The following OSBP2 variants were observed in gnomAD, a reference collection of about 807,000 sequenced individuals.
OSBP2 encodes the protein oxysterol binding protein 2.
OSBP2 carries 66 observed loss-of-function variants against 96.0 expected under a neutral mutation model. That is an observed-to-expected ratio of 0.69 (90% confidence interval 0.56 to 0.84). The LOEUF is 0.84. OSBP2 is among the 40% of genes least tolerant of loss of function. The pLI is 0.00. For missense variants in OSBP2, 1,038 were observed against 1,222.7 expected (o/e 0.85, Z 2.25); for synonymous variants, 525 against 520.9 (o/e 1.01, Z -0.11).
chr22:30,754,377 T>A (rs2090115663), intron 2 of OSBP2, among the ~76,000 whole-genome samples: 1 of 152,218 alleles, frequency 6.6e-6, no homozygotes, highest in Admixed American at 6.5e-5. Context: ...CAGGCTTTGA[T>A]TGGTGTCCTT....
intron 1 of OSBP2, among the ~76,000 whole-genome samples, chr22:30,738,733 G>T (rs538593638): frequency 6.6e-6 from 1 of 152,074 alleles, no homozygotes; most frequent in East Asian, 1.9e-4. Context: ...GCTAATTTTT[G>T]TATTTTTCAG....
At chr22:30,727,432 G>A (rs1166591607) in intron 1 of OSBP2, among the ~76,000 whole-genome samples, 1 of 152,142 alleles carries the variant, frequency 6.6e-6, no homozygotes, top group Non-Finnish European at 1.5e-5. Flanking sequence ...TCATATATAT[G>A]CAGAAGGGAT....
At chr22:30,818,767 C>CT (rs1370958575) in intron 2 of OSBP2, among the ~76,000 whole-genome samples, 1 of 152,140 alleles carries the variant, frequency 6.6e-6, no homozygotes, top group Non-Finnish European at 1.5e-5. Context: ...AGCCCAGCTT[C>CT]TAGGGAGGCT....
At chr22:30,794,617 A>G (rs2090729756) in intron 2 of OSBP2, among the ~76,000 whole-genome samples, 3 of 151,974 alleles carry the variant, frequency 2.0e-5, no homozygotes, top group Non-Finnish European at 4.4e-5. Flanking sequence ...TTGATATATT[A>G]TAATCTACTT....
At chr22:30,841,593 T>C (rs1393746085) in intron 2 of OSBP2, among the ~76,000 whole-genome samples, 3 of 152,218 alleles carry the variant, frequency 2.0e-5, no homozygotes, top group African/African-American at 7.2e-5. Flanking sequence ...AATAAGTGCG[T>C]CACATGAATT....
chr22:30,785,007 C>CA (rs1467653239), intron 2 of OSBP2, among the ~76,000 whole-genome samples: 1 of 152,146 alleles, frequency 6.6e-6, no homozygotes, highest in Admixed American at 6.5e-5. Context: ...CTCCTGACCT[C>CA]AGGTTATCTG....
intron 2 of OSBP2, among the ~76,000 whole-genome samples, chr22:30,823,173 T>G (rs1361743239): frequency 2.0e-5 from 3 of 152,070 alleles, no homozygotes; most frequent in Admixed American, 2.0e-4. Context: ...ATTCTCCGAG[T>G]GGCCGCCTGG....
intron 5 of OSBP2, 84 bp from the exon 6 acceptor site, chr22:30,889,093 G>A (rs2147153813): frequency 8.4e-7 from 1 of 1,189,246 alleles, no homozygotes; most frequent in Admixed American, 2.2e-5. Context: ...CAATGAAAAT[G>A]ATGTTGTCTG....
intron 2 of OSBP2, among the ~76,000 whole-genome samples, chr22:30,853,350 A>G (rs2039012397): frequency 6.6e-6 from 1 of 152,232 alleles, no homozygotes; most frequent in African/African-American, 2.4e-5. Flanking sequence ...CTCTTTCATC[A>G]TAATGAAATT....
intron 2 of OSBP2, among the ~76,000 whole-genome samples, chr22:30,810,031 CAAGAGACAGTGG>C (rs1474267132): frequency 1.3e-5 from 2 of 151,950 alleles, no homozygotes; most frequent in Admixed American, 6.6e-5. Flanking sequence ...GGGAGACATC[CAAGAGACAGTGG>C]AGTTCTATAG....
chr22:30,895,543 T>TAGAAA (rs780050404), intron 12 of OSBP2, among the ~76,000 whole-genome samples: 83,583 of 152,116 alleles, frequency 0.55, 23,364 homozygotes, highest in East Asian at 0.75. Context: ...GTTAGAAAAT[T>TAGAAA]CTACTTTCTA....
At chr22:30,722,668 T>C (rs573939481) in intron 1 of OSBP2, among the ~76,000 whole-genome samples, 1 of 151,896 alleles carries the variant, frequency 6.6e-6, no homozygotes, top group Admixed American at 6.6e-5. Context: ...TCCCTCTCTT[T>C]TTCTCTTTCT....
intron 2 of OSBP2, among the ~76,000 whole-genome samples, chr22:30,848,388 C>T (rs1003446589): frequency 6.6e-6 from 1 of 152,130 alleles, no homozygotes; most frequent in African/African-American, 2.4e-5. Context: ...GGATAAATGA[C>T]TAGAACTGGA....
intron 12 of OSBP2, 145 bp downstream of exon 12, chr22:30,894,146 T>C (rs1217888573): frequency 3.1e-6 from 2 of 648,562 alleles, no homozygotes; most frequent in Non-Finnish European, 5.3e-6. Flanking sequence ...GACATCCCAG[T>C]GTGAAGGCAG....
intron 2 of OSBP2, among the ~76,000 whole-genome samples, chr22:30,850,681 T>C (rs2038962906): frequency 6.6e-6 from 1 of 152,188 alleles, no homozygotes; most frequent in Non-Finnish European, 1.5e-5. Flanking sequence ...GTATTTTTAA[T>C]AGAGGCAGGG....
intron 1 of OSBP2, among the ~76,000 whole-genome samples, chr22:30,710,891 G>A (rs541184547): frequency 3.3e-5 from 5 of 151,830 alleles, no homozygotes; most frequent in Non-Finnish European, 7.4e-5. Context: ...GATTACAGGC[G>A]CCTGCCACCA....
chr22:30,700,627 T>C (rs1307472400), intron 1 of OSBP2, among the ~76,000 whole-genome samples: 1 of 152,140 alleles, frequency 6.6e-6, no homozygotes, highest in Non-Finnish European at 1.5e-5. Flanking sequence ...ATAAATGACA[T>C]TTATTTCTCA....
rs1184509138 is a variant in OSBP2, at chr22:30,890,015, G to A, written c.1623+379G>A. 6.6e-6 allele frequency among the ~76,000 whole-genome samples: 1 copy of A among 152,134 alleles called. No individual in the cohort carries two copies. The highest frequency in any genetic ancestry group is 2.4e-5 in the African/African-American group (1 of 41,424). The stretch of plus-strand genomic sequence containing the variant: ...CTCCTTCAGCTGGCAGCCATCCCTG[G>A]TGCCATCCCCAGGAAATGCAGGCTC... On this transcript the variant is annotated intron_variant, in intron 7 of 13. Coordinates refer to ENST00000332585, the MANE Select transcript of OSBP2 (RefSeq NM_030758.4). This position sits in a 1 kb window ranked among gnomAD's most constrained non-coding sequence, Gnocchi z 4.4.
Position 30,741,226 on chromosome 22 carries a change from C to T in OSBP2, c.710C>T (p.Thr237Met), listed in dbSNP as rs921997600. 10 of 1,614,016 alleles carry T rather than the reference C, an allele frequency of 6.2e-6. No individual in the cohort carries two copies. Among genetic ancestry groups the T allele is most frequent in the Non-Finnish European group, 7.6e-6 (9 of 1,180,028 alleles). ...AACCTGTCCACCGCGCACATTGACA[C>T]GGAGGACTCTTGTGGTATCTTGCTG... is the stretch of plus-strand genomic sequence containing the variant. ...TINLSTAHID[T>M]EDSCGILLTS... is the part of the protein sequence containing the mutation. Residue 237 changes from threonine (T) to methionine (M), a missense_variant, in exon 2 of 14, where the codon ACG (threonine) becomes ATG (methionine). Coordinates refer to ENST00000332585, the MANE Select transcript of OSBP2 (RefSeq NM_030758.4).
Sources: allele counts gnomAD v4.1 joint callset (sites outside exome capture counted in the v4.1 genomes callset), GRCh38; gene constraint gnomAD v4.1.1; non-coding constraint Gnocchi (gnomAD v3.1); transcripts MANE v1.5; gene names NCBI Gene and HGNC (gene_info 2026-07-23, HGNC 2026-07-21).